The following PHF12 variants were observed in gnomAD, a reference collection of about 807,000 sequenced individuals.
PHF12 encodes PHD finger protein 12.
Under a neutral mutation model 99.8 loss-of-function variants are expected in PHF12, and 6 were observed. The ratio of observed to expected loss-of-function variants is 0.06; its 90% confidence interval spans 0.03 to 0.12. PHF12 has a LOEUF of 0.12. PHF12 is among the 10% of genes least tolerant of loss of function. The pLI, the probability that PHF12 is intolerant of heterozygous loss-of-function variation, is 1.00. For synonymous variants in PHF12, 480 were observed against 514.9 expected, an observed-to-expected ratio of 0.93 and a Z score of 0.92; for missense variants, 954 against 1,300.1, an observed-to-expected ratio of 0.73 and a Z score of 4.09.
intron 10 of PHF12, 77 bp downstream of exon 10, chr17:28,911,035 G>T: frequency 6.3e-7 from 1 of 1,580,486 alleles, no homozygotes; most frequent in South Asian, 1.2e-5. Flanking sequence ...CTCCCTTTCT[G>T]AAATGAGCTG....
chr17:28,921,652 T>G (rs1050714622), intron 5 of PHF12, 36 bp downstream of exon 5: 1 of 1,607,630 alleles, frequency 6.2e-7, no homozygotes, highest in South Asian at 1.1e-5. Context: ...ATCTGCTAAA[T>G]AATGAGAAAG....
rs1216012479 is a variant in PHF12, at chr17:28,949,786, G to A, written c.248+279C>T. 6.2e-6 allele frequency: 2 copies of A among 321,578 alleles called. No homozygotes were observed. The highest frequency in any genetic ancestry group is 1.1e-5 in the Non-Finnish European group (2 of 176,828). 19.9% of individuals were successfully genotyped at this position (321,578 alleles called of 1,614,324 possible). ...CCGCCACTGCCGGCTGTCCCCGGCC[G>A]GCTCTGTCCCGGCTCCCCAGCGACT... is the stretch of plus-strand genomic sequence containing the variant. On this transcript the variant is annotated intron_variant, in intron 2 of 14. Transcript: ENST00000332830. This position sits in a 1 kb window ranked among gnomAD's most constrained non-coding sequence, Gnocchi z 4.6.
At chr17:28,939,232 A>T (rs1019466730) in intron 2 of PHF12, among the ~76,000 whole-genome samples, 1 of 152,248 alleles carries the variant, frequency 6.6e-6, no homozygotes, top group Non-Finnish European at 1.5e-5. Flanking sequence ...GGAGGGATAC[A>T]GCAAAACAAA....
intron 2 of PHF12, chr17:28,927,619 C>T (rs757138593): frequency 1.6e-4 from 25 of 153,718 alleles, no homozygotes; most frequent in Non-Finnish European, 2.8e-4. Context: ...TAGTCCCTTT[C>T]CCTCCTCTTG....
At chr17:28,911,006 G>A in intron 10 of PHF12, 106 bp downstream of exon 10, 1 of 1,509,722 alleles carries the variant, frequency 6.6e-7, no homozygotes, top group Non-Finnish European at 9.0e-7. Flanking sequence ...CTAGGCCTCT[G>A]GGATCAGGTG....
At chr17:28,921,436 C>T (rs913140540) in intron 5 of PHF12, among the ~76,000 whole-genome samples, 1 of 152,098 alleles carries the variant, frequency 6.6e-6, no homozygotes, top group Non-Finnish European at 1.5e-5. Context: ...CAGATTGCTG[C>T]GATTACAGGC....
chr17:28,926,511 C>T (rs2040276272), intron 3 of PHF12: 6 of 312,768 alleles, frequency 1.9e-5, no homozygotes, highest in South Asian at 1.6e-4. Flanking sequence ...GAAGCCAGTA[C>T]TGAATTATCA....
chr17:28,911,401 A>G, intron 9 of PHF12, 164 bp from the exon 10 acceptor site: 4 of 959,866 alleles, frequency 4.2e-6, no homozygotes, highest in Non-Finnish European at 6.1e-6. Context: ...ACGTGTGGTG[A>G]GGAAGGGCAG....
At chr17:28,915,616 C>T (rs1341799478) in intron 7 of PHF12, among the ~76,000 whole-genome samples, 1 of 152,142 alleles carries the variant, frequency 6.6e-6, no homozygotes, top group Non-Finnish European at 1.5e-5. Context: ...TAGTTTATTC[C>T]ACTACCCCTG....
intron 2 of PHF12, among the ~76,000 whole-genome samples, chr17:28,936,999 A>G (rs924564577): frequency 2.6e-5 from 4 of 152,200 alleles, no homozygotes; most frequent in African/African-American, 7.2e-5. Context: ...AAGGACCACA[A>G]TCATGTCTCA....
chr17:28,941,274 A>G (rs897610702), intron 2 of PHF12, among the ~76,000 whole-genome samples: 1 of 152,186 alleles, frequency 6.6e-6, no homozygotes, highest in African/African-American at 2.4e-5. Flanking sequence ...TCAAAAGCCC[A>G]GAGTATTAAT....
chr17:28,906,273 A>G lies in PHF12; in HGVS notation c.2925T>C (p.Asp975=). ...TEFATKQPKG[D]ASLLQDGVLA... ...AGACCCCATCCTGCAGCAGGCTGGCATCGCCTTTGGGCTGTTTGGTCGCAA... is the reference window on the plus strand; with the variant it reads ...AGACCCCATCCTGCAGCAGGCTGGCGTCGCCTTTGGGCTGTTTGGTCGCAA... Residue 975 remains aspartate, a synonymous_variant, in exon 15 of 15, where the codon GAT becomes GAC. Coordinates refer to ENST00000332830, the MANE Select transcript of PHF12 (RefSeq NM_001033561.2). The surrounding 1 kb of genome is among the most constrained non-coding windows in gnomAD (Gnocchi z 4.2). 6.2e-7 allele frequency: 1 copy of G among 1,614,036 alleles called. No individual in the cohort carries two copies. The highest frequency in any genetic ancestry group is 8.5e-7 in the Non-Finnish European group (1 of 1,179,860).
At chr17:28,941,217 T>A (rs575899466) in intron 2 of PHF12, among the ~76,000 whole-genome samples, 1 of 152,070 alleles carries the variant, frequency 6.6e-6, no homozygotes, top group Non-Finnish European at 1.5e-5. Context: ...TGTGTTGGGG[T>A]TGGGACAAGA....
rs1191103838 is a variant in PHF12, at chr17:28,949,238, C to A, written c.248+827G>T. 6.6e-6 allele frequency among the ~76,000 whole-genome samples: 1 copy of A among 152,210 alleles called. No homozygotes were observed. Among genetic ancestry groups the A allele is most frequent in the Non-Finnish European group, 1.5e-5 (1 of 68,038 alleles). On this transcript the variant is annotated intron_variant, in intron 2 of 14. Transcript: ENST00000332830. This position sits in a 1 kb window ranked among gnomAD's most constrained non-coding sequence, Gnocchi z 4.6. ...CCGATCCGGAGCGGAGAAATGAAAT[C>A]GGCGCCCAAGGGCAATTTTAATTGT...
chr17:28,930,768 C>G (rs190556745), intron 2 of PHF12, among the ~76,000 whole-genome samples: 31 of 152,200 alleles, frequency 2.0e-4, no homozygotes, highest in African/African-American at 7.2e-4. Flanking sequence ...TTAGAGTTAC[C>G]AAGTTTAAGA....
rs751377394 is a variant in PHF12, at chr17:28,950,898, C to T, written c.63G>A (p.Met21Ile). Reference protein sequence around the residue: ...VYDLDTSGGLMEQIQALLAPP... With the variant: ...VYDLDTSGGLIEQIQALLAPP... ...AGATGAGGAGGGCCACTCTTACCTC[C>T]ATCAGCCCCCCTGATGTGTCCAAGT... Residue 21 changes from methionine (M) to isoleucine (I), a missense_variant, in exon 1 of 15, where the codon ATG (methionine) becomes ATA (isoleucine). Physicochemically the swap from Met to Ile is conservative, Grantham distance 10. Around this residue, in one of 8 missense-constraint regions of PHF12, gnomAD observed 66 missense variants for 69.4 expected, o/e 0.95. Coordinates refer to ENST00000332830, the MANE Select transcript of PHF12 (RefSeq NM_001033561.2). The surrounding 1 kb of genome is among the most constrained non-coding windows in gnomAD (Gnocchi z 5.7). 6.8e-6 allele frequency: 11 copies of T among 1,613,596 alleles called. No homozygotes were observed. The African/African-American group carries it at 9.3e-5, about 14-fold the overall frequency.
At chr17:28,911,725 C>T (rs985888040) in intron 9 of PHF12, among the ~76,000 whole-genome samples, 1 of 152,204 alleles carries the variant, frequency 6.6e-6, no homozygotes, top group African/African-American at 2.4e-5. Flanking sequence ...TACCGAGACT[C>T]CCAGCTGACT....
rs1008403206 is a variant in PHF12 at position 28,944,333 on chromosome 17, GTAC to G, written c.248+5729_248+5731del. 5.3e-4 allele frequency among the ~76,000 whole-genome samples: 80 copies of G among 152,278 alleles called. 2 individuals are homozygous for G. Among genetic ancestry groups the G allele is most frequent in the African/African-American group, 1.7e-3 (72 of 41,562 alleles). On this transcript the variant is annotated intron_variant, in intron 2 of 14. Coordinates refer to ENST00000332830, the MANE Select transcript of PHF12 (RefSeq NM_001033561.2). ...CTTAAGTGAAAAATTTCCCATAACA[GTAC>G]TACTAAGTACTTGCCTTACTTTACA...
chr17:28,909,125 C>T, intron 11 of PHF12: 1 of 513,462 alleles, frequency 1.9e-6, no homozygotes, highest in Middle Eastern at 5.2e-4. Context: ...TCAGAGATGA[C>T]AGTACTGTGT....
Sources: gnomAD v4.1 joint callset for allele counts (sites outside exome capture counted in the v4.1 genomes callset) on GRCh38, gnomAD v4.1.1 for gene constraint, gnomAD v4.1.1 regional missense constraint, Gnocchi (gnomAD v3.1) non-coding constraint, MANE v1.5 for transcripts, NCBI Gene and HGNC (gene_info 2026-07-23, HGNC 2026-07-21) for gene names.